Variants in RNF138 observed in about 807,000 individuals in gnomAD.
The protein encoded by RNF138 is ring finger protein 138, also known as E3 ubiquitin-protein ligase RNF138.
RNF138 carries 12 observed loss-of-function variants against 31.0 expected under a neutral mutation model. That is an observed-to-expected ratio of 0.39 (90% confidence interval 0.25 to 0.63). The LOEUF is 0.63. Among genes scored for constraint, RNF138 ranks in the 20% least tolerant of loss-of-function variants. The pLI, the probability that RNF138 is intolerant of heterozygous loss-of-function variation, is 0.52. For missense variants in RNF138, 192 were observed against 300.1 expected (o/e 0.64, Z 2.66); for synonymous variants, 105 against 99.5 (o/e 1.06, Z -0.33).
At chr18:32,112,050 G>C (rs2040141476) in intron 3 of RNF138, 131 bp downstream of exon 3, 2 of 672,386 alleles carry the variant, frequency 3.0e-6, no homozygotes, top group Admixed American at 7.5e-5. Flanking sequence ...GAATTGGATA[G>C]AAAAGGCCAA....
intron 7 of RNF138, among the ~76,000 whole-genome samples, chr18:32,128,075 G>A (rs898997769): frequency 6.1e-5 from 6 of 98,198 alleles, no homozygotes; most frequent in Non-Finnish European, 1.3e-4. Context: ...GCGAGACTCC[G>A]TCTCAAAAAA....
chr18:32,107,086 G>GTCTCTGGTTAAA (rs1306534368), intron 2 of RNF138, among the ~76,000 whole-genome samples: 2 of 144,304 alleles, frequency 1.4e-5, no homozygotes, highest in African/African-American at 5.1e-5. Flanking sequence ...TGTGTTAACT[G>GTCTCTGGTTAAA]TCTCTGGTTA....
At position 32,129,445 on chromosome 18, in the gene RNF138, G is replaced by A. The variant is rs2040437700; in HGVS notation, c.*258G>A. 1 of 333,906 alleles carries A rather than the reference G, an allele frequency of 3.0e-6. No homozygotes were observed. Among genetic ancestry groups the A allele is most frequent in the Non-Finnish European group, 5.5e-6 (1 of 183,172 alleles). 20.7% of individuals were successfully genotyped at this position (333,906 alleles called of 1,614,324 possible). ...GTAACGGTGAAAGAGAATCCCTGTTGTACTTTATCTTTTTGTAATATTATT... is the reference window on the plus strand; with the variant it reads ...GTAACGGTGAAAGAGAATCCCTGTTATACTTTATCTTTTTGTAATATTATT... On this transcript the variant is annotated 3_prime_UTR_variant, in exon 8 of 8. Transcript: ENST00000261593.
intron 2 of RNF138, among the ~76,000 whole-genome samples, chr18:32,093,876 A>C (rs2039755561): frequency 6.6e-6 from 1 of 152,212 alleles, no homozygotes; most frequent in South Asian, 2.1e-4. Flanking sequence ...TTAAGTAAAC[A>C]TACCAATTCC....
chr18:32,102,423 A>G (rs1373437274), intron 2 of RNF138, among the ~76,000 whole-genome samples: 1 of 150,356 alleles, frequency 6.7e-6, no homozygotes, highest in Non-Finnish European at 1.5e-5. Context: ...GGATGGTCTC[A>G]ATCTCCTGAC....
chr18:32,097,977 T>TGTGTGTGTGTG (rs763759065), intron 2 of RNF138, among the ~76,000 whole-genome samples: 917 of 49,750 alleles, frequency 0.018, 6 homozygotes, highest in South Asian at 0.087. Flanking sequence ...TGTGTGTGTG[T>TGTGTGTGTGTG]TATTTTTGTT....
intron 4 of RNF138, among the ~76,000 whole-genome samples, chr18:32,118,808 C>T (rs1049476797): frequency 6.6e-5 from 10 of 151,738 alleles, no homozygotes; most frequent in Admixed American, 2.0e-4. Flanking sequence ...CCAGCCTGGG[C>T]GACAGAGCGA....
At position 32,120,335 on chromosome 18, in the gene RNF138, T is replaced by C. The variant is rs941344783; in HGVS notation, c.393-3183T>C. On this transcript the variant is annotated intron_variant, in intron 4 of 7. Coordinates refer to ENST00000261593, the MANE Select transcript of RNF138 (RefSeq NM_016271.5). Reference sequence around the variant, plus strand: ...CTGGCTAGAGTTCCAGATATTCTGATATCTGGAGTCTAGGCATTTGTATTT... The same window carrying C: ...CTGGCTAGAGTTCCAGATATTCTGACATCTGGAGTCTAGGCATTTGTATTT... Among the ~76,000 whole-genome samples, 8 of 152,306 alleles carry C rather than the reference T, an allele frequency of 5.3e-5. No individual in the cohort carries two copies. In the East Asian group the frequency reaches 1.3e-3, roughly 26 times the overall value.
chr18:32,098,893 A>C (rs2039865698), intron 2 of RNF138, among the ~76,000 whole-genome samples: 1 of 149,162 alleles, frequency 6.7e-6, no homozygotes, highest in South Asian at 2.1e-4. Context: ...TTAAATCTTG[A>C]GGACTAGTTT....
At position 32,092,697 on chromosome 18, in the gene RNF138, T is replaced by G. The variant is rs764856312; in HGVS notation, c.-77-3T>G. ...TCCCCCTCCCCCCTCCGGGTTCATG[T>G]AGGGAGTCGGGCCCCGGGCCGCCAC... On this transcript the variant is annotated splice_region_variant and splice_polypyrimidine_tract_variant and intron_variant, in intron 1 of 7. Transcript: ENST00000261593. 1.2e-6 allele frequency: 1 copy of G among 808,590 alleles called. No homozygotes were observed. The highest frequency in any genetic ancestry group is 2.7e-5 in the East Asian group (1 of 37,124). The allele number at this position is 808,590 out of a possible 1,614,324, so 50.1% of individuals were successfully genotyped here.
Position 32,129,437 on chromosome 18 carries a change from T to G in RNF138, c.*250T>G. 2.6e-6 allele frequency: 1 copy of G among 377,818 alleles called. No individual in the cohort carries two copies. Among genetic ancestry groups the G allele is most frequent in the Non-Finnish European group, 4.8e-6 (1 of 208,428 alleles). 23.4% of individuals were successfully genotyped at this position (377,818 alleles called of 1,614,324 possible). ...TCACTAATGTAACGGTGAAAGAGAA[T>G]CCCTGTTGTACTTTATCTTTTTGTA... is the stretch of plus-strand genomic sequence containing the variant. On this transcript the variant is annotated 3_prime_UTR_variant, in exon 8 of 8. Coordinates refer to ENST00000261593, the MANE Select transcript of RNF138 (RefSeq NM_016271.5).
intron 6 of RNF138, among the ~76,000 whole-genome samples, chr18:32,126,180 A>G (rs2040380709): frequency 6.6e-6 from 1 of 152,166 alleles, no homozygotes; most frequent in Non-Finnish European, 1.5e-5. Flanking sequence ...GGATTGCTTG[A>G]GCTCAGGAAT....
At chr18:32,123,403 T>A (rs904823770) in intron 4 of RNF138, 115 bp from the exon 5 acceptor site, 2 of 640,616 alleles carry the variant, frequency 3.1e-6, no homozygotes, top group African/African-American at 3.8e-5. Context: ...GTATTGAAGT[T>A]CAGACTTTTA....
intron 2 of RNF138, among the ~76,000 whole-genome samples, chr18:32,096,180 C>T (rs139796065): frequency 3.9e-4 from 59 of 152,346 alleles, no homozygotes; most frequent in African/African-American, 1.3e-3. Context: ...ATGAATAATA[C>T]TAGACCTAGT....
At chr18:32,092,611 T>G (rs2039714643) in intron 1 of RNF138, 89 bp from the exon 2 acceptor site, 1 of 597,452 alleles carries the variant, frequency 1.7e-6, no homozygotes, top group Non-Finnish European at 3.0e-6. Context: ...CGTCTCTGCG[T>G]TCGGCCCCGC....
At chr18:32,092,497 G>A (rs868760463) in intron 1 of RNF138, 80 of 422,312 alleles carry the variant, frequency 1.9e-4, no homozygotes, top group African/African-American at 1.5e-3. Flanking sequence ...CGGGCCCACG[G>A]CATGCTGCGA....
intron 1 of RNF138, 82 bp from the exon 2 acceptor site, chr18:32,092,618 C>G: frequency 1.6e-6 from 1 of 618,530 alleles, no homozygotes; most frequent in Non-Finnish European, 2.9e-6. Flanking sequence ...GCGTTCGGCC[C>G]CGCCCTACCC....
chr18:32,092,982 C>T, intron 2 of RNF138, 96 bp downstream of exon 2: 2 of 591,340 alleles, frequency 3.4e-6, no homozygotes, highest in Non-Finnish European at 5.4e-6. Context: ...GGGAACCGAG[C>T]CCGCCGCGGC....
intron 6 of RNF138, 103 bp downstream of exon 6, chr18:32,124,948 T>C (rs1568241138): frequency 1.5e-6 from 1 of 660,918 alleles, no homozygotes; most frequent in Non-Finnish European, 2.7e-6. Context: ...TTATATTTGG[T>C]TGGGGCATTA....
Sources: allele counts gnomAD v4.1 joint callset (sites outside exome capture counted in the v4.1 genomes callset), GRCh38; gene constraint gnomAD v4.1.1; transcripts MANE v1.5; gene names NCBI Gene and HGNC (gene_info 2026-07-23, HGNC 2026-07-21).